Variants in ARHGAP19 observed in about 807,000 individuals in gnomAD.
ARHGAP19 encodes the protein Rho GTPase activating protein 19, also known as rho GTPase-activating protein 19.
ARHGAP19 carries 48 observed loss-of-function variants against 60.9 expected under a neutral mutation model. The ratio of observed to expected loss-of-function variants is 0.79; its 90% CI spans 0.62 to 1.00. The LOEUF is 1.00. ARHGAP19 is among the 50% of genes least tolerant of loss of function. The probability of loss-of-function intolerance (pLI) is 0.00; values close to 1 mark genes in which losing one functional copy is unlikely to be tolerated. For synonymous variants in ARHGAP19, 209 were observed against 215.5 expected, an observed-to-expected ratio of 0.97 and a Z score of 0.27; for missense variants, 562 against 597.2, an observed-to-expected ratio of 0.94 and a Z score of 0.61.
chr10:97,252,324 CAA>C (rs35769409), intron 6 of ARHGAP19, among the ~76,000 whole-genome samples: 3 of 133,754 alleles, frequency 2.2e-5, no homozygotes, highest in Admixed American at 1.5e-4. Flanking sequence ...GAGACTGTCT[CAA>C]AAAAAAAAAA....
chr10:97,273,050 C>G lies in ARHGAP19; in HGVS notation c.57-6925G>C, dbSNP rs550332086. On this transcript the variant is annotated intron_variant, in intron 1 of 11. Transcript: ENST00000358531. ...GGAGACGGGGTTTCACCGTGTTAGC[C>G]AGGATGGTCTCGATCTCCTGACCTT... 3.9e-5 allele frequency among the ~76,000 whole-genome samples: 6 copies of G among 152,172 alleles called. No homozygotes were observed. In the South Asian group the frequency reaches 6.2e-4, roughly 16 times the overall value.
At position 97,226,053 on chromosome 10, in the gene ARHGAP19, G is replaced by A; in HGVS notation, c.*69C>T. On this transcript the variant is annotated 3_prime_UTR_variant, in exon 12 of 12. Coordinates refer to ENST00000358531, the MANE Select transcript of ARHGAP19 (RefSeq NM_032900.6). ...AAGCTGCAAGTCCAAGCTTTGCTGTGGGCAGGAATAACACCTGCCCACTAA... is the reference window on the plus strand; with the variant it reads ...AAGCTGCAAGTCCAAGCTTTGCTGTAGGCAGGAATAACACCTGCCCACTAA... 1 of 1,542,784 alleles carries A rather than the reference G, an allele frequency of 6.5e-7. No individual in the cohort carries two copies. The highest frequency in any genetic ancestry group is 8.9e-7 in the Non-Finnish European group (1 of 1,122,328).
intron 6 of ARHGAP19, among the ~76,000 whole-genome samples, chr10:97,251,740 G>A (rs1271177055): frequency 2.5e-4 from 1 of 4,026 alleles, no homozygotes; most frequent in East Asian, 0.01. Context: ...GGAAAGGGAA[G>A]GGGAAGGGAA....
At chr10:97,267,126 G>C (rs1842908477) in intron 1 of ARHGAP19, among the ~76,000 whole-genome samples, 1 of 152,154 alleles carries the variant, frequency 6.6e-6, no homozygotes, top group Non-Finnish European at 1.5e-5. Flanking sequence ...TTACTTCCTA[G>C]GTACAATGTG....
At chr10:97,261,454 G>A (rs1232121901) in intron 4 of ARHGAP19, among the ~76,000 whole-genome samples, 2 of 152,094 alleles carry the variant, frequency 1.3e-5, no homozygotes, top group South Asian at 2.1e-4. Context: ...TGCACTAAAC[G>A]AATGAACTGA....
At chr10:97,241,466 G>T (rs1264620530) in intron 8 of ARHGAP19, among the ~76,000 whole-genome samples, 1 of 151,770 alleles carries the variant, frequency 6.6e-6, no homozygotes, top group Non-Finnish European at 1.5e-5. Flanking sequence ...TGTAATCCCA[G>T]AACTTTGGGA....
intron 6 of ARHGAP19, among the ~76,000 whole-genome samples, chr10:97,252,527 G>C (rs1158386297): frequency 6.6e-6 from 1 of 151,886 alleles, no homozygotes; most frequent in African/African-American, 2.4e-5. Flanking sequence ...GGGAGGCTGA[G>C]GCAGGAGAAT....
At chr10:97,252,619 T>C (rs949263614) in intron 6 of ARHGAP19, among the ~76,000 whole-genome samples, 1 of 151,684 alleles carries the variant, frequency 6.6e-6, no homozygotes, top group Non-Finnish European at 1.5e-5. Context: ...TGAGACTCCA[T>C]CTCAAAAAAA....
intron 1 of ARHGAP19, among the ~76,000 whole-genome samples, chr10:97,285,337 TTTTA>T (rs995984244): frequency 1.6e-4 from 24 of 151,882 alleles, no homozygotes; most frequent in Non-Finnish European, 2.9e-5. Context: ...ACAAATTTAT[TTTTA>T]TTTATTTTTT....
At chr10:97,241,296 A>G (rs1842477204) in intron 8 of ARHGAP19, among the ~76,000 whole-genome samples, 1 of 151,674 alleles carries the variant, frequency 6.6e-6, no homozygotes, top group Non-Finnish European at 1.5e-5. Context: ...CTATACTCAA[A>G]TATGATCTTT....
At chr10:97,242,494 C>T (rs1177881385) in intron 8 of ARHGAP19, among the ~76,000 whole-genome samples, 3 of 151,508 alleles carry the variant, frequency 2.0e-5, no homozygotes, top group African/African-American at 7.3e-5. Flanking sequence ...CCACCACACC[C>T]GGCTAATTTT....
chr10:97,238,605 A>G (rs1842420021), intron 8 of ARHGAP19, among the ~76,000 whole-genome samples: 1 of 152,230 alleles, frequency 6.6e-6, no homozygotes, highest in Admixed American at 6.5e-5. Context: ...GCATAAAGAT[A>G]TTCAGAAAAT....
chr10:97,229,273 C>A, intron 10 of ARHGAP19, 48 bp from the exon 11 acceptor site: 1 of 1,409,520 alleles, frequency 7.1e-7, no homozygotes, highest in Non-Finnish European at 1.0e-6. Flanking sequence ...AATGCCATTC[C>A]TATAGACAGA....
intron 1 of ARHGAP19, among the ~76,000 whole-genome samples, chr10:97,279,735 G>A (rs1843060901): frequency 1.3e-5 from 2 of 151,780 alleles, no homozygotes; most frequent in South Asian, 2.1e-4. Flanking sequence ...AGTGATCCTC[G>A]CACCTCGGCC....
At chr10:97,284,876 T>A (rs113046730) in intron 1 of ARHGAP19, among the ~76,000 whole-genome samples, 1 of 143,294 alleles carries the variant, frequency 7.0e-6, no homozygotes, top group Non-Finnish European at 1.5e-5. Flanking sequence ...TTTTTTTTTT[T>A]CCTGTGAGAC....
At chr10:97,282,839 C>CTT (rs56387291) in intron 1 of ARHGAP19, among the ~76,000 whole-genome samples, 28 of 90,976 alleles carry the variant, frequency 3.1e-4, no homozygotes, top group African/African-American at 7.5e-4. Flanking sequence ...TTTCTTTTTT[C>CTT]TTTTTTTTTT....
chr10:97,289,015 C>T (rs1843194075), intron 1 of ARHGAP19, among the ~76,000 whole-genome samples: 1 of 151,296 alleles, frequency 6.6e-6, no homozygotes, highest in African/African-American at 2.4e-5. Context: ...GACAGGGTTT[C>T]ACTGTGTTAG....
intron 11 of ARHGAP19, 119 bp from the exon 12 acceptor site, chr10:97,226,251 AGT>A: frequency 1.0e-6 from 1 of 958,660 alleles, no homozygotes; most frequent in Non-Finnish European, 1.6e-6. Flanking sequence ...AAGGCTAATG[AGT>A]TTAATTAAGA....
chr10:97,284,137 T>C (rs1307249332), intron 1 of ARHGAP19, among the ~76,000 whole-genome samples: 1 of 152,130 alleles, frequency 6.6e-6, no homozygotes, highest in Non-Finnish European at 1.5e-5. Flanking sequence ...TGCTTTTTGT[T>C]TTTGAGACAT....
Sources: gnomAD v4.1 joint callset for allele counts (sites outside exome capture counted in the v4.1 genomes callset) on GRCh38, gnomAD v4.1.1 for gene constraint, MANE v1.5 for transcripts, NCBI Gene and HGNC (gene_info 2026-07-23, HGNC 2026-07-21) for gene names.